Variants in PSD3 observed in about 807,000 individuals in gnomAD.
PSD3 encodes pleckstrin and Sec7 domain containing 3, also known as PH and SEC7 domain-containing protein 3.
In PSD3, 49 loss-of-function variants were observed where a neutral mutation model predicts 105.5. The observed-to-expected ratio is 0.46, with a 90% CI of 0.37 to 0.59. The LOEUF is 0.59. Ranked by LOEUF, PSD3 falls within the 20% of genes least tolerant of loss-of-function variation. PSD3 has a pLI of 0.00. For synonymous variants in PSD3, 557 were observed against 457.8 expected (o/e 1.22, Z -2.77); for missense variants, 1,561 against 1,263.8 (o/e 1.24, Z -3.57).
At chr8:18,634,934 C>G (rs1038656316) in intron 10 of PSD3, among the ~76,000 whole-genome samples, 1 of 152,082 alleles carries the variant, frequency 6.6e-6, no homozygotes, top group Non-Finnish European at 1.5e-5. Context: ...TATTGTGATT[C>G]TCCTTTACCC....
At chr8:18,923,617 G>C (rs887461239) in intron 2 of PSD3, among the ~76,000 whole-genome samples, 1 of 152,090 alleles carries the variant, frequency 6.6e-6, no homozygotes, top group Admixed American at 6.5e-5. Context: ...GTGTAGGTTC[G>C]TGGCCTAGAA....
rs150948920 is a variant in PSD3, at chr8:18,716,901, C to T, written c.2172+48548G>A. On this transcript the variant is annotated intron_variant, in intron 9 of 15. Coordinates refer to ENST00000327040, the MANE Select transcript of PSD3 (RefSeq NM_015310.4). ...ACAGCACATGTGTGAGCATGATCATCTCTACCTTCTCTAAGACCAAGAGGA... is the reference window on the plus strand; with the variant it reads ...ACAGCACATGTGTGAGCATGATCATTTCTACCTTCTCTAAGACCAAGAGGA... 8.3e-4 allele frequency among the ~76,000 whole-genome samples: 126 copies of T among 152,324 alleles called. 1 individual carries two copies. In the East Asian group the frequency reaches 0.016, roughly 19 times the overall value.
intron 1 of PSD3, among the ~76,000 whole-genome samples, chr8:19,026,456 A>G (rs1827553181): frequency 6.6e-6 from 1 of 152,058 alleles, no homozygotes; most frequent in African/African-American, 2.4e-5. Flanking sequence ...GAATGCAAAA[A>G]CCTAAGAGAA....
intron 9 of PSD3, among the ~76,000 whole-genome samples, chr8:18,720,310 C>T (rs1802879735): frequency 6.6e-6 from 1 of 152,274 alleles, no homozygotes; most frequent in East Asian, 1.9e-4. Context: ...CAGATGTTTA[C>T]TGGATTACAC....
chr8:18,837,595 A>G (rs376709086), intron 4 of PSD3, among the ~76,000 whole-genome samples: 5 of 152,084 alleles, frequency 3.3e-5, no homozygotes, highest in African/African-American at 1.2e-4. Context: ...TTTAATACTC[A>G]CTGGCAAAAG....
At chr8:18,621,679 T>C (rs1475378972) in intron 11 of PSD3, among the ~76,000 whole-genome samples, 1 of 152,118 alleles carries the variant, frequency 6.6e-6, no homozygotes, top group Non-Finnish European at 1.5e-5. Context: ...GGCCTTGTAT[T>C]AACATCTTAA....
intron 8 of PSD3, among the ~76,000 whole-genome samples, chr8:18,774,326 G>A (rs967252818): frequency 6.6e-6 from 1 of 152,094 alleles, no homozygotes; most frequent in Admixed American, 6.5e-5. Flanking sequence ...TCAGAACAGG[G>A]CAAAAGAGAC....
At chr8:18,737,164 G>A (rs897250624) in intron 9 of PSD3, among the ~76,000 whole-genome samples, 2 of 152,148 alleles carry the variant, frequency 1.3e-5, no homozygotes, top group African/African-American at 4.8e-5. Context: ...CTATTTTGCT[G>A]GTTTGTTTTC....
intron 15 of PSD3, among the ~76,000 whole-genome samples, chr8:18,546,524 T>TTGA (rs1373509112): frequency 1.3e-5 from 2 of 152,212 alleles, no homozygotes; most frequent in Non-Finnish European, 2.9e-5. Context: ...ACACTAGGTT[T>TTGA]TGATGATTTA....
chr8:18,936,799 T>C (rs1411809006), intron 1 of PSD3, among the ~76,000 whole-genome samples: 1 of 151,724 alleles, frequency 6.6e-6, no homozygotes, highest in East Asian at 1.9e-4. Context: ...TTTAAACACA[T>C]CATTTTCCAA....
chr8:18,785,496 G>A (rs1267985063), intron 8 of PSD3, among the ~76,000 whole-genome samples: 1 of 152,120 alleles, frequency 6.6e-6, no homozygotes, highest in Non-Finnish European at 1.5e-5. Flanking sequence ...TTTGGTGTAA[G>A]GGAATACTGT....
intron 4 of PSD3, among the ~76,000 whole-genome samples, chr8:18,819,575 A>ATTTTTTTTTTTTTTTT (rs746931460): frequency 2.7e-5 from 3 of 111,316 alleles, no homozygotes; most frequent in African/African-American, 3.5e-5. Flanking sequence ...ATTAGAATGG[A>ATTTTTTTTTTTTTTTT]TTTTTTTTTT....
intron 2 of PSD3, among the ~76,000 whole-genome samples, chr8:18,896,961 C>A (rs560753913): frequency 4.6e-5 from 7 of 152,166 alleles, no homozygotes; most frequent in Middle Eastern, 3.4e-3. Context: ...CAGGCATGCA[C>A]CACCATGCTC....
chr8:19,079,208 C>T (rs1829562855), intron 1 of PSD3, among the ~76,000 whole-genome samples: 2 of 152,078 alleles, frequency 1.3e-5, no homozygotes, highest in African/African-American at 4.8e-5. Flanking sequence ...GGATTGAAAC[C>T]CATTCTGCTA....
At chr8:18,688,808 A>C (rs958670831) in intron 9 of PSD3, among the ~76,000 whole-genome samples, 4 of 152,292 alleles carry the variant, frequency 2.6e-5, no homozygotes, top group Non-Finnish European at 4.4e-5. Context: ...CCATTTATAG[A>C]CATGAGCCAG....
At chr8:18,607,499 C>T (rs1030250155) in intron 11 of PSD3, among the ~76,000 whole-genome samples, 4 of 152,000 alleles carry the variant, frequency 2.6e-5, no homozygotes, top group Non-Finnish European at 5.9e-5. Context: ...GCACTTGTTT[C>T]TCCATAGCAC....
At chr8:18,662,408 A>G (rs1280961724) in intron 9 of PSD3, among the ~76,000 whole-genome samples, 1 of 152,228 alleles carries the variant, frequency 6.6e-6, no homozygotes, top group Non-Finnish European at 1.5e-5. Context: ...AATGGAGTCA[A>G]CTAATTTTTT....
intron 4 of PSD3, among the ~76,000 whole-genome samples, chr8:18,859,424 T>C (rs1039192929): frequency 5.9e-5 from 9 of 152,180 alleles, no homozygotes; most frequent in African/African-American, 2.2e-4. Flanking sequence ...TTCAATTTAG[T>C]GTCACTAGCT....
chr8:18,527,818 C>G lies in PSD3; in HGVS notation c.*7925G>C, dbSNP rs753613944. ...GTTTCCAGTACGTGTTATAGTACCGCCAGCTTACCCAAAACTGCTAATGCC... is the reference window on the plus strand; with the variant it reads ...GTTTCCAGTACGTGTTATAGTACCGGCAGCTTACCCAAAACTGCTAATGCC... On this transcript the variant is annotated 3_prime_UTR_variant, in exon 16 of 16. Coordinates refer to ENST00000327040, the MANE Select transcript of PSD3 (RefSeq NM_015310.4). 6.6e-6 allele frequency: 1 copy of G among 152,382 alleles called. No individual in the cohort carries two copies. The highest frequency in any genetic ancestry group is 1.5e-5 in the Non-Finnish European group (1 of 68,036). 9.4% of individuals were successfully genotyped at this position (152,382 alleles called of 1,614,324 possible). A position where few individuals can be genotyped will look rare whatever the true frequency, so the allele number is the denominator to read the frequency against.
Sources: allele counts gnomAD v4.1 joint callset (sites outside exome capture counted in the v4.1 genomes callset), GRCh38; gene constraint gnomAD v4.1.1; transcripts MANE v1.5; gene names NCBI Gene and HGNC (gene_info 2026-07-23, HGNC 2026-07-21).